USP25: variants seen among roughly 807,000 people sequenced by gnomAD.
The protein encoded by USP25 is ubiquitin carboxyl-terminal hydrolase 25.
A neutral mutation model predicts 158.5 loss-of-function variants in USP25; 85 were observed. That is an observed-to-expected ratio of 0.54 (90% CI 0.45 to 0.64). The LOEUF (loss-of-function observed/expected upper bound fraction) is 0.64. Ranked by LOEUF, USP25 falls within the 30% of genes least tolerant of loss-of-function variation. The pLI is 0.00. For synonymous variants in USP25, 464 were observed against 460.4 expected, an observed-to-expected ratio of 1.01 and a Z score of -0.10; for missense variants, 1,242 against 1,327.3, an observed-to-expected ratio of 0.94 and a Z score of 1.00.
chr21:15,862,880 A>G lies in USP25; in HGVS notation c.2548-1388A>G, dbSNP rs1039525790. Among the ~76,000 whole-genome samples the G allele has an allele frequency of 3.3e-5, 5 of 152,126 alleles. No homozygotes were observed. The East Asian group carries it at 9.6e-4, about 29-fold the overall frequency. On this transcript the variant is annotated intron_variant, in intron 20 of 25. Coordinates refer to ENST00000400183, the MANE Select transcript of USP25 (RefSeq NM_001283041.3). ...TTTTTAATGAGTATGATATTACATA[A>G]CTAGAATATTTCATTTAATGTTTAT... is the stretch of plus-strand genomic sequence containing the variant.
intron 18 of USP25, 93 bp downstream of exon 18, chr21:15,842,633 G>GAC: frequency 6.8e-7 from 1 of 1,478,448 alleles, no homozygotes. Context: ...AGTCAGGAGA[G>GAC]ACGGGGCCCA....
intron 1 of USP25, among the ~76,000 whole-genome samples, chr21:15,761,226 A>G (rs2033705044): frequency 6.6e-6 from 1 of 152,138 alleles, no homozygotes; most frequent in Non-Finnish European, 1.5e-5. Flanking sequence ...TGGTAATACT[A>G]ACTTTGATCT....
chr21:15,872,917 AAT>A (rs1243915662), intron 23 of USP25, among the ~76,000 whole-genome samples: 2 of 152,170 alleles, frequency 1.3e-5, no homozygotes, highest in African/African-American at 4.8e-5. Context: ...CATTTTTTAA[AAT>A]ATATTTTTCC....
At chr21:15,841,835 T>C (rs2038348601) in intron 17 of USP25, among the ~76,000 whole-genome samples, 1 of 152,104 alleles carries the variant, frequency 6.6e-6, no homozygotes, top group Non-Finnish European at 1.5e-5. Flanking sequence ...TCATTGTACA[T>C]TGTTGGATAT....
intron 22 of USP25, among the ~76,000 whole-genome samples, chr21:15,869,063 T>G (rs573768072): frequency 6.6e-6 from 1 of 152,178 alleles, no homozygotes; most frequent in African/African-American, 2.4e-5. Context: ...CTGGCCAACA[T>G]AGCAAGACCC....
chr21:15,854,526 T>C (rs2039044619), intron 20 of USP25, among the ~76,000 whole-genome samples: 1 of 152,202 alleles, frequency 6.6e-6, no homozygotes, highest in Non-Finnish European at 1.5e-5. Context: ...CATTAGCTTT[T>C]TGGCTATGAA....
chr21:15,792,880 G>T (rs1310092316), intron 5 of USP25, among the ~76,000 whole-genome samples: 2 of 151,468 alleles, frequency 1.3e-5, no homozygotes, highest in African/African-American at 4.8e-5. Flanking sequence ...GGAATACCTG[G>T]ATTAACATAA....
intron 17 of USP25, among the ~76,000 whole-genome samples, chr21:15,838,315 T>C (rs2038159654): frequency 6.6e-6 from 1 of 152,054 alleles, no homozygotes; most frequent in Admixed American, 6.6e-5. Context: ...TGTTAATAAG[T>C]TCATTCCCTA....
intron 17 of USP25, among the ~76,000 whole-genome samples, chr21:15,835,888 A>G (rs2038042224): frequency 6.6e-6 from 1 of 152,208 alleles, no homozygotes; most frequent in African/African-American, 2.4e-5. Flanking sequence ...TTGAGATTAT[A>G]TTAAGAAATT....
At chr21:15,730,581 C>T (rs1343018403) in intron 1 of USP25, 143 bp downstream of exon 1, 5 of 1,019,634 alleles carry the variant, frequency 4.9e-6, no homozygotes, top group Admixed American at 4.8e-5. Context: ...CCCATCGCCT[C>T]GGGGGCGTCG....
chr21:15,757,868 A>G (rs58683309), intron 1 of USP25, among the ~76,000 whole-genome samples: 5,857 of 152,302 alleles, frequency 0.038, 169 homozygotes, highest in Middle Eastern at 0.14. Context: ...AGGCTAGCAT[A>G]GGCAGTGTAA....
chr21:15,814,721 A>G (rs969965050), intron 9 of USP25, among the ~76,000 whole-genome samples: 7 of 152,232 alleles, frequency 4.6e-5, no homozygotes, highest in Non-Finnish European at 8.8e-5. Flanking sequence ...TAAGCAGCAA[A>G]GCATTCAAGA....
chr21:15,859,991 ATTT>A (rs58141554), intron 20 of USP25, among the ~76,000 whole-genome samples: 72 of 131,108 alleles, frequency 5.5e-4, no homozygotes, highest in African/African-American at 1.9e-3. Flanking sequence ...ATATATCTAT[ATTT>A]TTTTTTTTTT....
intron 3 of USP25, among the ~76,000 whole-genome samples, chr21:15,775,495 G>T (rs1190467058): frequency 1.3e-5 from 2 of 152,156 alleles, no homozygotes; most frequent in Non-Finnish European, 2.9e-5. Context: ...TAGGAAAGCG[G>T]CCTCTTGGAC....
chr21:15,863,506 C>G (rs1180295706), intron 20 of USP25, among the ~76,000 whole-genome samples: 2 of 152,076 alleles, frequency 1.3e-5, no homozygotes, highest in Admixed American at 1.3e-4. Context: ...AATTTTCTTT[C>G]AGATTTGAGT....
chr21:15,790,389 A>T (rs1012789073), intron 4 of USP25, among the ~76,000 whole-genome samples: 6 of 152,012 alleles, frequency 3.9e-5, no homozygotes, highest in African/African-American at 1.4e-4. Context: ...TGACTTCTGT[A>T]TTCACATGGA....
rs1312803704 is a variant in USP25 at position 15,811,666 on chromosome 21, AG to A, written c.931+458del. On this transcript the variant is annotated intron_variant, in intron 9 of 25. Coordinates refer to ENST00000400183, the MANE Select transcript of USP25 (RefSeq NM_001283041.3). ...ATTTTAAATGTAGATATTAGTTTTCAGGAAAAGATTGTACTCTATCTTTTGA... is the reference window on the plus strand; with the variant it reads ...ATTTTAAATGTAGATATTAGTTTTCAGAAAAGATTGTACTCTATCTTTTGA... Among the ~76,000 whole-genome samples, 3 of 152,322 alleles carry A rather than the reference AG, an allele frequency of 2.0e-5. No homozygotes were observed. In the East Asian group the frequency reaches 5.8e-4, roughly 29 times the overall value.
chr21:15,733,708 G>C (rs28465005), intron 1 of USP25, among the ~76,000 whole-genome samples: 4,150 of 152,232 alleles, frequency 0.027, 194 homozygotes, highest in African/African-American at 0.092. Context: ...CAGGCGTGGT[G>C]GCACATGCCT....
rs577297013 is a variant in USP25, at chr21:15,833,242, G to C, written c.1994-106G>C. The C allele has an allele frequency of 3.8e-6, 4 of 1,046,784 alleles. No individual in the cohort carries two copies. In the South Asian group the frequency reaches 5.0e-5, roughly 13 times the overall value. 64.8% of individuals were successfully genotyped at this position (1,046,784 alleles called of 1,614,324 possible). On this transcript the variant is annotated intron_variant, in intron 16 of 25. Transcript: ENST00000400183. ...CTTAAGTAATATGATTGGCTGAGTG[G>C]TAATAATTCATAGTTTAAATTCTAT...
Sources: gnomAD v4.1 joint callset for allele counts (sites outside exome capture counted in the v4.1 genomes callset) on GRCh38, gnomAD v4.1.1 for gene constraint, MANE v1.5 for transcripts, NCBI Gene and HGNC (gene_info 2026-07-23, HGNC 2026-07-21) for gene names.